Variants in COL25A1 observed in about 807,000 individuals in gnomAD.
COL25A1 encodes the protein collagen alpha-1(XXV) chain.
COL25A1 carries 103 observed loss-of-function variants against 128.4 expected under a neutral mutation model. That is an observed-to-expected ratio of 0.80 (90% CI 0.68 to 0.94). The LOEUF (loss-of-function observed/expected upper bound fraction) is 0.94. Ranked by LOEUF, COL25A1 falls within the 40% of genes least tolerant of loss-of-function variation. The pLI is 0.00. For missense variants in COL25A1, 745 were observed against 840.0 expected (o/e 0.89, Z 1.40); for synonymous variants, 279 against 277.2 (o/e 1.01, Z -0.06).
At chr4:109,006,378 A>ATTTTTTTTTTTTTTTTTTTTTT (rs56845799) in intron 6 of COL25A1, among the ~76,000 whole-genome samples, 19 of 51,874 alleles carry the variant, frequency 3.7e-4, no homozygotes, top group East Asian at 8.6e-4. Context: ...CACCCAGCTA[A>ATTTTTTTTTTTTTTTTTTTTTT]TTTTTTTTTT....
intron 32 of COL25A1, among the ~76,000 whole-genome samples, chr4:108,829,160 T>C (rs1010671297): frequency 6.6e-6 from 1 of 152,158 alleles, no homozygotes; most frequent in African/African-American, 2.4e-5. Flanking sequence ...GAGACATCTA[T>C]AAAAAATATC....
intron 31 of COL25A1, among the ~76,000 whole-genome samples, chr4:108,838,488 C>T (rs1734062291): frequency 6.6e-6 from 1 of 151,488 alleles, no homozygotes; most frequent in Non-Finnish European, 1.5e-5. Context: ...TTTTTATGAT[C>T]AAATAATTCA....
intron 3 of COL25A1, among the ~76,000 whole-genome samples, chr4:109,138,717 G>GT (rs959151044): frequency 1.7e-4 from 26 of 150,184 alleles, no homozygotes; most frequent in African/African-American, 5.1e-4. Context: ...TTTGTTTTTT[G>GT]TTTTTTTTGA....
chr4:109,190,256 GA>G (rs1339412434), intron 3 of COL25A1, among the ~76,000 whole-genome samples: 1 of 152,058 alleles, frequency 6.6e-6, no homozygotes, highest in Non-Finnish European at 1.5e-5. Context: ...AACTTTCCTA[GA>G]CTGAAAAAAA....
chr4:109,084,506 C>G (rs986370286), intron 3 of COL25A1, among the ~76,000 whole-genome samples: 1 of 152,154 alleles, frequency 6.6e-6, no homozygotes, highest in Non-Finnish European at 1.5e-5. Context: ...TGCTGGTAAC[C>G]CAGATGACTG....
chr4:108,967,494 G>A (rs1391336743), intron 8 of COL25A1, among the ~76,000 whole-genome samples: 1 of 152,082 alleles, frequency 6.6e-6, no homozygotes, highest in Admixed American at 6.6e-5. Context: ...GAAAAATCAG[G>A]TATGGTTTGT....
intron 19 of COL25A1, among the ~76,000 whole-genome samples, chr4:108,871,538 G>A (rs1560782272): frequency 1.3e-5 from 2 of 152,024 alleles, no homozygotes; most frequent in Non-Finnish European, 2.9e-5. Context: ...GGATGGTCTC[G>A]ATCTCCTGAC....
In COL25A1 at chr4:109,184,778, A is replaced by G. The variant is rs144582346; in HGVS notation, c.367+115805T>C. 5.8e-3 allele frequency among the ~76,000 whole-genome samples: 887 copies of G among 152,314 alleles called. 9 individuals carry two copies. Among genetic ancestry groups the G allele is most frequent in the Non-Finnish European group, 0.01 (709 of 68,028 alleles). On this transcript the variant is annotated intron_variant, in intron 3 of 37. Coordinates refer to ENST00000399132, the MANE Select transcript of COL25A1 (RefSeq NM_198721.4). ...GGTCACGTATAGCAGTTTCCTGTCC[A>G]TTGCTTGAAATGCTACCACAATATT...
chr4:108,898,259 C>T (rs146588046), intron 15 of COL25A1, among the ~76,000 whole-genome samples: 103 of 152,224 alleles, frequency 6.8e-4, no homozygotes, highest in African/African-American at 2.5e-3. Context: ...TTTGCTCCCC[C>T]TCCATTAAAT....
At chr4:109,163,265 C>G (rs952295903) in intron 3 of COL25A1, among the ~76,000 whole-genome samples, 4 of 152,190 alleles carry the variant, frequency 2.6e-5, no homozygotes, top group African/African-American at 9.7e-5. Flanking sequence ...GATTTTCAAC[C>G]TACGTGGTCA....
rs544193446 is a variant in COL25A1, at chr4:109,210,779, T to G, written c.367+89804A>C. Among the ~76,000 whole-genome samples the G allele has an allele frequency of 3.3e-5, 5 of 152,112 alleles. No homozygotes were observed. The East Asian group carries it at 7.7e-4, about 24-fold the overall frequency. On this transcript the variant is annotated intron_variant, in intron 3 of 37. Transcript: ENST00000399132. ...GTTTCCCCTGTTCCTGGATAAAGCC[T>G]CCCACCTGGGAATAGATAAAGCAAA...
chr4:108,833,091 C>T (rs996425454), intron 31 of COL25A1, among the ~76,000 whole-genome samples: 6 of 152,184 alleles, frequency 3.9e-5, no homozygotes, highest in Admixed American at 2.6e-4. Flanking sequence ...TTTCTCTACA[C>T]CCACTGCCAC....
At chr4:108,845,381 G>C (rs1578521441) in intron 28 of COL25A1, 130 bp from the exon 29 acceptor site, 1 of 698,974 alleles carries the variant, frequency 1.4e-6, no homozygotes, top group East Asian at 2.6e-5. Flanking sequence ...CATAAAAGAA[G>C]GATTTATCTC....
intron 12 of COL25A1, among the ~76,000 whole-genome samples, chr4:108,920,182 TGA>T (rs745466666): frequency 5.9e-5 from 9 of 152,230 alleles, no homozygotes; most frequent in Non-Finnish European, 1.3e-4. Context: ...TTGAATATAG[TGA>T]ACCCAGCAAT....
rs142152954 is a variant in COL25A1 at position 109,210,896 on chromosome 4, T to C, written c.367+89687A>G. On this transcript the variant is annotated intron_variant, in intron 3 of 37. Coordinates refer to ENST00000399132, the MANE Select transcript of COL25A1 (RefSeq NM_198721.4). The stretch of plus-strand genomic sequence containing the variant: ...CAACACGGATGGTGCTGGAGGCCAT[T>C]ATCCTAAGCGAGTTAACACAGGAAC... 5.8e-3 allele frequency among the ~76,000 whole-genome samples: 877 copies of C among 152,172 alleles called. 6 individuals are homozygous for C. Among genetic ancestry groups the C allele is most frequent in the Middle Eastern group, 0.017 (5 of 292 alleles).
chr4:109,036,878 A>C (rs895754842), intron 5 of COL25A1, among the ~76,000 whole-genome samples: 2 of 152,216 alleles, frequency 1.3e-5, no homozygotes, highest in Admixed American at 6.5e-5. Flanking sequence ...ACTGTATGCC[A>C]ACTGGTTGTT....
chr4:109,175,899 G>T (rs2126137714), intron 3 of COL25A1, among the ~76,000 whole-genome samples: 1 of 152,246 alleles, frequency 6.6e-6, no homozygotes, highest in African/African-American at 2.4e-5. Context: ...TATACTTTAT[G>T]ACCTAGCAAA....
chr4:109,022,031 A>G (rs1757815842), intron 5 of COL25A1, among the ~76,000 whole-genome samples: 1 of 152,162 alleles, frequency 6.6e-6, no homozygotes, highest in Non-Finnish European at 1.5e-5. Context: ...CCTCAGAAAC[A>G]TGTGATCTTC....
At chr4:109,220,026 A>G (rs1374482544) in intron 3 of COL25A1, among the ~76,000 whole-genome samples, 1 of 152,206 alleles carries the variant, frequency 6.6e-6, no homozygotes, top group African/African-American at 2.4e-5. Context: ...AGAAGATACC[A>G]TCTGTCATTT....
Sources: allele counts gnomAD v4.1 joint callset (sites outside exome capture counted in the v4.1 genomes callset), GRCh38; gene constraint gnomAD v4.1.1; transcripts MANE v1.5; gene names NCBI Gene and HGNC (gene_info 2026-07-23, HGNC 2026-07-21).